ANAPC10: variants seen among roughly 807,000 people sequenced by gnomAD.
The protein encoded by ANAPC10 is anaphase promoting complex subunit 10, also known as anaphase-promoting complex subunit 10.
ANAPC10 carries 12 observed loss-of-function variants against 22.0 expected under a neutral mutation model. The observed-to-expected ratio is 0.55, with a 90% CI of 0.35 to 0.88. The LOEUF is 0.88. ANAPC10 is among the 40% of genes least tolerant of loss of function. The pLI is 0.01. For missense variants in ANAPC10, 188 were observed against 220.9 expected, an observed-to-expected ratio of 0.85 and a Z score of 0.94; for synonymous variants, 65 against 69.5, an observed-to-expected ratio of 0.94 and a Z score of 0.32.
intron 3 of ANAPC10, among the ~76,000 whole-genome samples, chr4:145,078,508 C>G (rs540746140): frequency 3.9e-5 from 6 of 152,100 alleles, no homozygotes; most frequent in Admixed American, 2.6e-4. Flanking sequence ...ACAGTTTTCA[C>G]AGAATTAGAG....
intron 3 of ANAPC10, chr4:145,081,447 C>T (rs548196750): frequency 4.9e-6 from 2 of 404,372 alleles, no homozygotes; most frequent in East Asian, 8.7e-5. Context: ...AGGAACTATG[C>T]AACATACCAT....
intron 4 of ANAPC10, among the ~76,000 whole-genome samples, chr4:145,047,046 T>G (rs544146431): frequency 6.6e-6 from 1 of 152,284 alleles, no homozygotes; most frequent in South Asian, 2.1e-4. Context: ...TAGATGTTTT[T>G]ACACTGCTTA....
chr4:145,086,289 A>T (rs556553444), intron 2 of ANAPC10, among the ~76,000 whole-genome samples: 1 of 152,306 alleles, frequency 6.6e-6, no homozygotes, highest in East Asian at 1.9e-4. Context: ...TAAACAAAAG[A>T]ACTAAAACAA....
intron 4 of ANAPC10, among the ~76,000 whole-genome samples, chr4:145,013,029 T>C (rs1021089443): frequency 1.3e-5 from 2 of 152,138 alleles, no homozygotes; most frequent in South Asian, 4.1e-4. Flanking sequence ...CCATGTAAAA[T>C]GTGCCTGCTT....
chr4:145,028,044 G>A (rs1432855249), intron 4 of ANAPC10, among the ~76,000 whole-genome samples: 1 of 152,200 alleles, frequency 6.6e-6, no homozygotes, highest in East Asian at 1.9e-4. Flanking sequence ...ATCTGTAAGA[G>A]AAAATGGGGA....
rs2126674858 is a variant in ANAPC10 at position 145,095,982 on chromosome 4, T to C, written c.115+3A>G. 6.2e-7 allele frequency: 1 copy of C among 1,614,158 alleles called. No individual in the cohort carries two copies. Among genetic ancestry groups the C allele is most frequent in the Admixed American group, 1.7e-5 (1 of 60,020 alleles). On this transcript the variant is annotated splice_donor_region_variant and intron_variant, in intron 2 of 4. Transcript: ENST00000507656. ...AACAGCTTTTTTGTTTGTTAGTTTTTACCTGGTTTGCAAGATGAGAGTGAC... is the reference window on the plus strand; with the variant it reads ...AACAGCTTTTTTGTTTGTTAGTTTTCACCTGGTTTGCAAGATGAGAGTGAC...
At chr4:145,097,396 G>T in intron 1 of ANAPC10, 1 of 953,852 alleles carries the variant, frequency 1.0e-6, no homozygotes, top group Non-Finnish European at 1.5e-6. Context: ...CTTCAATACT[G>T]GATCGTGAAC....
chr4:145,064,700 C>A lies in ANAPC10; in HGVS notation c.207-8G>T. The A allele has an allele frequency of 6.7e-7, 1 of 1,493,552 alleles. No individual in the cohort carries two copies. The highest frequency in any genetic ancestry group is 9.0e-7 in the Non-Finnish European group (1 of 1,115,666). 92.5% of individuals were successfully genotyped at this position (1,493,552 alleles called of 1,614,324 possible). On this transcript the variant is annotated splice_region_variant and splice_polypyrimidine_tract_variant and intron_variant, in intron 3 of 4. Coordinates refer to ENST00000507656, the MANE Select transcript of ANAPC10 (RefSeq NM_001256706.2). ...TTCACTGTTGTTTTTCTTCTAAAAG[C>A]AATAAAGTAAAAATAACATGCACTT...
intron 4 of ANAPC10, among the ~76,000 whole-genome samples, chr4:145,021,864 A>G (rs1735999099): frequency 6.6e-6 from 1 of 152,206 alleles, no homozygotes; most frequent in African/African-American, 2.4e-5. Flanking sequence ...AAGGACATGA[A>G]TAGACAATTA....
intron 2 of ANAPC10, among the ~76,000 whole-genome samples, chr4:145,092,914 C>A (rs1473113805): frequency 2.0e-5 from 3 of 152,168 alleles, no homozygotes; most frequent in African/African-American, 7.2e-5. Context: ...AACAACAGTC[C>A]TTTCTCAGAG....
intron 4 of ANAPC10, among the ~76,000 whole-genome samples, chr4:145,063,250 ACAT>A (rs1413841150): frequency 1.3e-4 from 20 of 152,180 alleles, no homozygotes; most frequent in Admixed American, 9.8e-4. Flanking sequence ...ATATTTCAAA[ACAT>A]CATACTGTAC....
chr4:145,072,010 C>CA (rs201572407), intron 3 of ANAPC10, among the ~76,000 whole-genome samples: 324 of 149,678 alleles, frequency 2.2e-3, no homozygotes, highest in African/African-American at 6.2e-3. Flanking sequence ...AAAAAAAACA[C>CA]AAAAAAAACA....
chr4:145,018,939 A>T (rs999636665), intron 4 of ANAPC10, among the ~76,000 whole-genome samples: 1 of 152,178 alleles, frequency 6.6e-6, no homozygotes, highest in African/African-American at 2.4e-5. Context: ...GGAGTCCCCA[A>T]ATTTATAAAA....
intron 4 of ANAPC10, among the ~76,000 whole-genome samples, chr4:145,018,171 A>G (rs1257325130): frequency 1.3e-5 from 2 of 150,790 alleles, no homozygotes; most frequent in African/African-American, 2.4e-5. Flanking sequence ...CACAGGACCT[A>G]TAAAACAAAA....
intron 4 of ANAPC10, among the ~76,000 whole-genome samples, chr4:145,049,633 G>A (rs907952509): frequency 1.3e-5 from 2 of 152,086 alleles, no homozygotes; most frequent in African/African-American, 4.8e-5. Flanking sequence ...ATGCTGAAGT[G>A]CAATGGCATG....
chr4:145,095,614 G>A lies in ANAPC10; in HGVS notation c.115+371C>T, dbSNP rs554886379. ...AACACCTACATTCTTCACCTCACTC[G>A]CTCTCATCACATAGACATTTTATCT... On this transcript the variant is annotated intron_variant, in intron 2 of 4. Coordinates refer to ENST00000507656, the MANE Select transcript of ANAPC10 (RefSeq NM_001256706.2). Among the ~76,000 whole-genome samples the A allele has an allele frequency of 3.5e-4, 53 of 152,184 alleles. No individual in the cohort carries two copies. In the South Asian group the frequency reaches 0.011, roughly 31 times the overall value.
At chr4:145,076,555 A>T (rs889181406) in intron 3 of ANAPC10, among the ~76,000 whole-genome samples, 1 of 152,268 alleles carries the variant, frequency 6.6e-6, no homozygotes, top group Non-Finnish European at 1.5e-5. Flanking sequence ...TCTTACATCC[A>T]AATGAGCACA....
At chr4:145,027,112 T>G (rs1736880091) in intron 4 of ANAPC10, among the ~76,000 whole-genome samples, 1 of 142,574 alleles carries the variant, frequency 7.0e-6, no homozygotes, top group Non-Finnish European at 1.5e-5. Context: ...CAAGCAATTC[T>G]CATGCCTCAG....
intron 3 of ANAPC10, among the ~76,000 whole-genome samples, chr4:145,071,173 G>A (rs1026551933): frequency 6.6e-6 from 1 of 152,212 alleles, no homozygotes; most frequent in East Asian, 1.9e-4. Flanking sequence ...TTGGGAGGCT[G>A]AGGAGGGCAG....
Sources: gnomAD v4.1 joint callset for allele counts (sites outside exome capture counted in the v4.1 genomes callset) on GRCh38, gnomAD v4.1.1 for gene constraint, MANE v1.5 for transcripts, NCBI Gene and HGNC (gene_info 2026-07-23, HGNC 2026-07-21) for gene names.